The following PTPRD variants were observed in gnomAD, a reference collection of about 807,000 sequenced individuals.
The protein encoded by PTPRD is protein tyrosine phosphatase receptor type D.
In PTPRD, 34 loss-of-function variants were observed where a neutral mutation model predicts 214.5. That is an observed-to-expected ratio of 0.16 (90% CI 0.12 to 0.21). PTPRD has a LOEUF of 0.21. Among genes scored for constraint, PTPRD ranks in the 10% least tolerant of loss-of-function variants. PTPRD has a pLI of 1.00. For missense variants in PTPRD, 2,545 were observed against 2,398.7 expected, an observed-to-expected ratio of 1.06 and a Z score of -1.27; for synonymous variants, 1,128 against 845.7, an observed-to-expected ratio of 1.33 and a Z score of -5.79.
rs1315905987 is a variant in PTPRD at position 10,423,107 on chromosome 9, A to G, written c.-599-82090T>C. 3.9e-5 allele frequency among the ~76,000 whole-genome samples: 6 copies of G among 152,274 alleles called. No individual in the cohort carries two copies. In the South Asian group the frequency reaches 6.2e-4, roughly 16 times the overall value. ...TAAGAAAACGTGGCACATATACACCATGGAATACTATGCAGCCATAAAAAA... is the reference window on the plus strand; with the variant it reads ...TAAGAAAACGTGGCACATATACACCGTGGAATACTATGCAGCCATAAAAAA... On this transcript the variant is annotated intron_variant, in intron 2 of 45. Transcript: ENST00000381196.
intron 2 of PTPRD, among the ~76,000 whole-genome samples, chr9:10,549,430 C>T (rs2060838298): frequency 6.6e-6 from 1 of 152,076 alleles, no homozygotes; most frequent in Non-Finnish European, 1.5e-5. Flanking sequence ...ATCATTTAGT[C>T]TAAATTAATC....
chr9:9,324,220 G>A (rs947203357), intron 9 of PTPRD, among the ~76,000 whole-genome samples: 4 of 152,118 alleles, frequency 2.6e-5, no homozygotes, highest in Non-Finnish European at 4.4e-5. Context: ...TGGGATGGCT[G>A]GGTCAAATGG....
chr9:10,091,776 A>ATC (rs3051071), intron 3 of PTPRD, among the ~76,000 whole-genome samples: 64,473 of 150,964 alleles, frequency 0.43, 14,683 homozygotes, highest in African/African-American at 0.56. Flanking sequence ...AAGAATATGT[A>ATC]TCTCATTTTT....
At chr9:9,490,963 T>TAATATA (rs58903271) in intron 8 of PTPRD, among the ~76,000 whole-genome samples, 92,260 of 150,446 alleles carry the variant, frequency 0.61, 29,494 homozygotes, top group African/African-American at 0.8. Flanking sequence ...TATAATGAAC[T>TAATATA]AATATAAATA....
intron 11 of PTPRD, among the ~76,000 whole-genome samples, chr9:9,016,658 C>A (rs1207024200): frequency 1.3e-5 from 2 of 152,200 alleles, no homozygotes; most frequent in African/African-American, 2.4e-5. Flanking sequence ...TGACCTACCC[C>A]CTAAATGACT....
At chr9:9,246,593 T>C (rs1380463348) in intron 9 of PTPRD, among the ~76,000 whole-genome samples, 1 of 152,072 alleles carries the variant, frequency 6.6e-6, no homozygotes, top group Non-Finnish European at 1.5e-5. Context: ...CTCCTAAACA[T>C]TGACTTTTGC....
At chr9:8,523,582 A>C in intron 18 of PTPRD, 58 bp from the exon 19 acceptor site, 1 of 1,598,980 alleles carries the variant, frequency 6.3e-7, no homozygotes, top group Non-Finnish European at 8.6e-7. Flanking sequence ...GGAGAAAAAC[A>C]AGGGAAACAC....
At chr9:10,502,947 T>C (rs147065607) in intron 2 of PTPRD, among the ~76,000 whole-genome samples, 6 of 152,044 alleles carry the variant, frequency 3.9e-5, no homozygotes, top group African/African-American at 1.4e-4. Flanking sequence ...ATAGATTCAG[T>C]ATCTGTATTC....
intron 8 of PTPRD, among the ~76,000 whole-genome samples, chr9:9,479,551 G>T (rs1158738789): frequency 6.6e-6 from 1 of 152,050 alleles, no homozygotes; most frequent in African/African-American, 2.4e-5. Flanking sequence ...CTAAAAACAA[G>T]TCATTGGATT....
At chr9:10,568,036 T>C (rs1339633202) in intron 2 of PTPRD, among the ~76,000 whole-genome samples, 1 of 152,020 alleles carries the variant, frequency 6.6e-6, no homozygotes, top group Non-Finnish European at 1.5e-5. Context: ...TACATATGTA[T>C]ACATGTGCCA....
At chr9:8,862,410 G>A (rs908133087) in intron 11 of PTPRD, among the ~76,000 whole-genome samples, 1 of 152,126 alleles carries the variant, frequency 6.6e-6, no homozygotes, top group Admixed American at 6.5e-5. Context: ...CAATTGTAAA[G>A]AAGAAAAGAA....
At position 9,753,181 on chromosome 9, in the gene PTPRD, C is replaced by T. The variant is rs1167370624; in HGVS notation, c.-326+13629G>A. ...AGGACATTTCCATGTGGTCTTTCCC[C>T]AAGGACATCACTACTGTAATTGAGG... On this transcript the variant is annotated intron_variant, in intron 6 of 45. Coordinates refer to ENST00000381196, the MANE Select transcript of PTPRD (RefSeq NM_002839.4). Among the ~76,000 whole-genome samples the T allele has an allele frequency of 3.9e-5, 6 of 151,958 alleles. No homozygotes were observed. In the South Asian group the frequency reaches 1.2e-3, roughly 31 times the overall value.
At chr9:8,811,478 A>G (rs2096801805) in intron 11 of PTPRD, among the ~76,000 whole-genome samples, 1 of 152,208 alleles carries the variant, frequency 6.6e-6, no homozygotes, top group Non-Finnish European at 1.5e-5. Flanking sequence ...ATAAATGAAT[A>G]TAATTTTTAA....
chr9:10,081,263 T>C (rs2098232229), intron 3 of PTPRD, among the ~76,000 whole-genome samples: 1 of 152,148 alleles, frequency 6.6e-6, no homozygotes, highest in African/African-American at 2.4e-5. Flanking sequence ...TTCAAGATTC[T>C]GATACACATC....
intron 11 of PTPRD, among the ~76,000 whole-genome samples, chr9:8,759,813 T>G (rs1404139977): frequency 6.6e-6 from 1 of 152,184 alleles, no homozygotes; most frequent in Non-Finnish European, 1.5e-5. Context: ...AAAGTGGTTC[T>G]TCTCTTCTTC....
chr9:9,360,547 T>C (rs1889108), intron 9 of PTPRD, among the ~76,000 whole-genome samples: 64,558 of 150,736 alleles, frequency 0.43, 13,885 homozygotes, highest in Non-Finnish European at 0.44. Context: ...AATAGGTAAA[T>C]TGGGAAATTA....
intron 7 of PTPRD, among the ~76,000 whole-genome samples, chr9:9,687,666 T>A (rs920269925): frequency 1.3e-5 from 2 of 151,704 alleles, no homozygotes; most frequent in African/African-American, 4.8e-5. Flanking sequence ...ATCTTTAACA[T>A]GATATTAAAA....
At chr9:10,115,197 T>C (rs2098720998) in intron 3 of PTPRD, among the ~76,000 whole-genome samples, 1 of 151,930 alleles carries the variant, frequency 6.6e-6, no homozygotes, top group South Asian at 2.1e-4. Flanking sequence ...TTTAAAAATG[T>C]GGATTAGGTA....
intron 11 of PTPRD, chr9:8,962,194 G>A (rs1038199294): frequency 6.6e-6 from 1 of 152,124 alleles, no homozygotes; most frequent in African/African-American, 2.4e-5. Flanking sequence ...AGGAAGGTAA[G>A]ACGTAAGTGA....
Sources: gnomAD v4.1 joint callset for allele counts (sites outside exome capture counted in the v4.1 genomes callset) on GRCh38, gnomAD v4.1.1 for gene constraint, MANE v1.5 for transcripts, NCBI Gene and HGNC (gene_info 2026-07-23, HGNC 2026-07-21) for gene names.